The following SPP2 variants were observed in gnomAD, a reference collection of about 807,000 sequenced individuals.
SPP2 encodes secreted phosphoprotein 24.
In SPP2, 34 loss-of-function variants were observed where a neutral mutation model predicts 28.8. The observed-to-expected ratio is 1.18, with a 90% CI of 0.90 to 1.57. SPP2 has a LOEUF of 1.57. Among genes scored for constraint, SPP2 ranks in the 40% most tolerant of loss-of-function variants. The pLI is 0.00. For missense variants in SPP2, 269 were observed against 263.9 expected (o/e 1.02, Z -0.13); for synonymous variants, 96 against 89.4 (o/e 1.07, Z -0.42).
intron 7 of SPP2, among the ~76,000 whole-genome samples, chr2:234,074,762 T>C (rs1387049715): frequency 6.6e-6 from 1 of 152,206 alleles, no homozygotes; most frequent in Middle Eastern, 3.2e-3. Context: ...CTGATTAGTC[T>C]ATAACCTTGC....
chr2:234,060,256 GTTTTTCTTTGTCA>G lies in SPP2; in HGVS notation c.334-109_334-97del. Reference sequence around the variant, plus strand: ...TGAAAAAATAAAATGCCTCTGTGAAGTTTTTCTTTGTCATTTCGTCAAACCTGACATTTATTTT... The same window carrying G: ...TGAAAAAATAAAATGCCTCTGTGAAGTTTCGTCAAACCTGACATTTATTTT... On this transcript the variant is annotated intron_variant, in intron 3 of 7. Coordinates refer to ENST00000168148, the MANE Select transcript of SPP2 (RefSeq NM_006944.3). 7 of 731,466 alleles carry G rather than the reference GTTTTTCTTTGTCA, an allele frequency of 9.6e-6. No homozygotes were observed. The African/African-American group carries it at 1.3e-4, about 13-fold the overall frequency. 45.3% of individuals were successfully genotyped at this position (731,466 alleles called of 1,614,324 possible).
chr2:234,057,156 C>T (rs1256605566), intron 2 of SPP2, among the ~76,000 whole-genome samples: 1 of 152,110 alleles, frequency 6.6e-6, no homozygotes, highest in African/African-American at 2.4e-5. Flanking sequence ...CTTGTTCCTG[C>T]CCCAATCTGT....
At chr2:234,053,285 A>G (rs1693536930) in intron 2 of SPP2, among the ~76,000 whole-genome samples, 1 of 152,224 alleles carries the variant, frequency 6.6e-6, no homozygotes, top group South Asian at 2.1e-4. Context: ...ACGTTAAATT[A>G]GTAAATATTT....
At chr2:234,060,641 A>G (rs1206561789) in intron 4 of SPP2, among the ~76,000 whole-genome samples, 162 bp downstream of exon 4, 1 of 151,724 alleles carries the variant, frequency 6.6e-6, no homozygotes, top group Non-Finnish European at 1.5e-5. Context: ...CTACAGCCTC[A>G]TTGTCCACAT....
At chr2:234,075,419 G>A (rs144173039) in intron 7 of SPP2, among the ~76,000 whole-genome samples, 1,753 of 152,086 alleles carry the variant, frequency 0.012, 19 homozygotes, top group Middle Eastern at 0.048. Context: ...ACCCGTCACC[G>A]CCCTGCTCTG....
At chr2:234,068,984 C>T (rs765264775) in intron 6 of SPP2, among the ~76,000 whole-genome samples, 6 of 152,098 alleles carry the variant, frequency 3.9e-5, no homozygotes, top group Non-Finnish European at 7.4e-5. Context: ...TCAGATAAGA[C>T]GTTGACTGGG....
chr2:234,062,733 T>C (rs184633790), intron 4 of SPP2, among the ~76,000 whole-genome samples: 1 of 152,232 alleles, frequency 6.6e-6, no homozygotes, highest in African/African-American at 2.4e-5. Flanking sequence ...GTTCATTTTA[T>C]GACCTTTAAC....
chr2:234,059,496 G>C (rs1014614903), intron 3 of SPP2, among the ~76,000 whole-genome samples: 3 of 152,140 alleles, frequency 2.0e-5, no homozygotes, highest in African/African-American at 7.2e-5. Context: ...CAAGGGAGCT[G>C]AGAGGCTGAA....
chr2:234,055,858 T>TTTC lies in SPP2; in HGVS notation c.211-2976_211-2975insCTT, dbSNP rs530843028. Reference sequence around the variant, plus strand: ...TTTAATTTTCTCCAGTTGACTTCTTTTTTTTTTTTGGAAATGAATTATTTT... The same window carrying TTTC: ...TTTAATTTTCTCCAGTTGACTTCTTTTTCTTTTTTTTTGGAAATGAATTATTTT... On this transcript the variant is annotated intron_variant, in intron 2 of 7. Coordinates refer to ENST00000168148, the MANE Select transcript of SPP2 (RefSeq NM_006944.3). Among the ~76,000 whole-genome samples, 493 of 73,018 alleles carry TTTC rather than the reference T, an allele frequency of 6.8e-3. 4 individuals are homozygous for TTTC. The highest frequency in any genetic ancestry group is 0.063 in the Middle Eastern group (8 of 126). 47.9% of individuals were successfully genotyped at this position (73,018 alleles called of 152,430 possible). A position where few individuals can be genotyped will look rare whatever the true frequency, so the allele number is the denominator to read the frequency against.
At chr2:234,053,712 A>T (rs1251037628) in intron 2 of SPP2, among the ~76,000 whole-genome samples, 1 of 152,166 alleles carries the variant, frequency 6.6e-6, no homozygotes, top group African/African-American at 2.4e-5. Flanking sequence ...GGAAAAATCC[A>T]CACGACTTTA....
intron 3 of SPP2, 25 bp downstream of exon 3, chr2:234,058,983 G>A (rs1291373543): frequency 1.2e-5 from 19 of 1,597,978 alleles, no homozygotes; most frequent in Non-Finnish European, 1.6e-5. Context: ...ACCCATCCCA[G>A]AAATGAACAA....
intron 4 of SPP2, among the ~76,000 whole-genome samples, chr2:234,064,818 T>G (rs1343624436): frequency 2.0e-5 from 3 of 152,258 alleles, no homozygotes; most frequent in Non-Finnish European, 2.9e-5. Context: ...GCCTGTATTC[T>G]TTTGTGACTG....
chr2:234,053,418 T>C (rs896201411), intron 2 of SPP2, among the ~76,000 whole-genome samples: 1 of 152,166 alleles, frequency 6.6e-6, no homozygotes, highest in Non-Finnish European at 1.5e-5. Context: ...CCTTCTGTTT[T>C]GCCCTCAGGT....
rs1693661113 is a variant in SPP2, at chr2:234,058,875, G to C, written c.250G>C (p.Glu84Gln). ...LDENNLVMNL[E>Q]FSIRETTCRK... ...TGAGAACAACTTGGTCATGAATTTA[G>C]AGTTCAGCATCCGGGAGACTACATG... The change falls in exon 3 of 8, where the codon GAG (glutamate) becomes CAG (glutamine). Residue 84 changes from glutamate (E) to glutamine (Q), a missense_variant. Transcript: ENST00000168148. 1 of 1,614,060 alleles carries C rather than the reference G, an allele frequency of 6.2e-7. No individual in the cohort carries two copies.
In SPP2 at chr2:234,069,968, C is replaced by A. The variant is rs750842592; in HGVS notation, c.591C>A (p.Tyr197Ter). ...TATTGCCTCCTGGAAACAGAAGGTA[C>A]CCAAACCACCGGCACAGAGCAAGAA... ...RRVLPPGNRR[Y>*]PNHRHRARIN... is the part of the protein sequence containing the mutation. Residue 197 changes from tyrosine to a stop codon, truncating the protein, a stop_gained, in exon 7 of 8, where the codon TAC becomes TAA. Coordinates refer to ENST00000168148, the MANE Select transcript of SPP2 (RefSeq NM_006944.3). LOFTEE classifies it high-confidence loss of function. 34 of 1,613,440 alleles carry A rather than the reference C, an allele frequency of 2.1e-5. No homozygotes were observed. Among genetic ancestry groups the A allele is most frequent in the Non-Finnish European group, 2.9e-5 (34 of 1,179,596 alleles).
chr2:234,066,587 G>A lies in SPP2; in HGVS notation c.499G>A (p.Gly167Ser). The change falls in exon 5 of 8, where the codon GGT (glycine) becomes AGT (serine). Residue 167 changes from glycine to serine, a missense_variant and splice_region_variant. Transcript: ENST00000168148. ...TAAATGGAGAAACAATTATCTATTT[G>A]GTAAGTTAAGATCTGTTCTTTTTAA... is the stretch of plus-strand genomic sequence containing the variant. ...SHKWRNNYLF[G>S]LISDESISEQ... is the part of the protein sequence containing the mutation. 6.2e-7 allele frequency: 1 copy of A among 1,609,716 alleles called. No individual in the cohort carries two copies. The highest frequency in any genetic ancestry group is 8.5e-7 in the Non-Finnish European group (1 of 1,177,956).
intron 4 of SPP2, among the ~76,000 whole-genome samples, chr2:234,065,068 T>C (rs1231780073): frequency 6.6e-6 from 1 of 152,216 alleles, no homozygotes; most frequent in Non-Finnish European, 1.5e-5. Flanking sequence ...AATTCCTGGA[T>C]CATATAGTAA....
intron 7 of SPP2, among the ~76,000 whole-genome samples, chr2:234,075,018 AAAATGGGGCACT>A (rs1690869343): frequency 6.6e-6 from 1 of 150,830 alleles, no homozygotes; most frequent in African/African-American, 2.4e-5. Flanking sequence ...AAAAAAAAAA[AAAATGGGGCACT>A]AAATAGACCG....
chr2:234,071,235 C>T (rs1189640148), intron 7 of SPP2, among the ~76,000 whole-genome samples: 1 of 152,212 alleles, frequency 6.6e-6, no homozygotes, highest in East Asian at 1.9e-4. Flanking sequence ...CCCATACTGT[C>T]TACCTTGCTT....
Sources: gnomAD v4.1 joint callset for allele counts (sites outside exome capture counted in the v4.1 genomes callset) on GRCh38, gnomAD v4.1.1 for gene constraint, MANE v1.5 for transcripts, NCBI Gene and HGNC (gene_info 2026-07-23, HGNC 2026-07-21) for gene names.